Variants in KIF21B observed in about 807,000 individuals in gnomAD.
KIF21B encodes kinesin family member 21B, also known as kinesin-like protein KIF21B.
Under a neutral mutation model 192.9 loss-of-function variants are expected in KIF21B, and 85 were observed. That is an observed-to-expected ratio of 0.44 (90% CI 0.37 to 0.53). KIF21B has a LOEUF of 0.53. Ranked by LOEUF, KIF21B falls within the 20% of genes least tolerant of loss-of-function variation. The pLI is 0.00. For missense variants in KIF21B, 1,716 were observed against 2,194.8 expected, an observed-to-expected ratio of 0.78 and a Z score of 4.36; for synonymous variants, 832 against 884.6, an observed-to-expected ratio of 0.94 and a Z score of 1.05.
chr1:200,995,871 C>T (rs567714697), intron 15 of KIF21B, among the ~76,000 whole-genome samples: 34 of 152,208 alleles, frequency 2.2e-4, no homozygotes, highest in African/African-American at 3.4e-4. Context: ...TGCGCAGACC[C>T]GAAGCGAGTA....
chr1:200,980,866 T>C, intron 29 of KIF21B, 94 bp downstream of exon 29: 4 of 1,479,974 alleles, frequency 2.7e-6, no homozygotes, highest in Non-Finnish European at 3.6e-6. Context: ...CTGGGGGCTC[T>C]ATGTTCTTTT....
intron 15 of KIF21B, among the ~76,000 whole-genome samples, chr1:200,992,898 CA>C (rs1656798159): frequency 6.6e-6 from 1 of 152,210 alleles, no homozygotes; most frequent in East Asian, 1.9e-4. Context: ...CTCCTCATGA[CA>C]ATCATGAGAG....
In KIF21B at chr1:200,998,511, G is replaced by C; in HGVS notation, c.1950C>G (p.Ile650Met). Residue 650 changes from isoleucine (I) to methionine (M), a missense_variant, in exon 14 of 35, where the codon ATC (isoleucine) becomes ATG (methionine). Ile to Met is a conservative substitution (Grantham distance 10, BLOSUM62 1). Around this residue, in one of 3 missense-constraint regions of KIF21B, gnomAD observed 1,087 missense variants for 1,316.6 expected, o/e 0.83. Coordinates refer to ENST00000461742, the MANE Select transcript of KIF21B (RefSeq NM_001252102.2). The surrounding 1 kb of genome is among the most constrained non-coding windows in gnomAD (Gnocchi z 4.3). ...GCCGCTGGCTGTTCTCCAGCTCGTCGATCAGCTTCTGCTTGATTTCGATCT... is the reference window on the plus strand; with the variant it reads ...GCCGCTGGCTGTTCTCCAGCTCGTCCATCAGCTTCTGCTTGATTTCGATCT... ...TCEIEIKQKL[I>M]DELENSQRRL... The C allele has an allele frequency of 6.2e-7, 1 of 1,613,924 alleles. No homozygotes were observed. The highest frequency in any genetic ancestry group is 8.5e-7 in the Non-Finnish European group (1 of 1,180,008).
Position 200,984,983 on chromosome 1 carries a change from G to A in KIF21B, c.3690-11C>T, listed in dbSNP as rs374805993. On this transcript the variant is annotated splice_polypyrimidine_tract_variant and intron_variant, in intron 26 of 34. Transcript: ENST00000461742. ...CCCACATCTGTGGACCTGGTGAGTC[G>A]GGACAGAGGGCAGCCTGTTAGTGAC... 4.1e-5 allele frequency: 65 copies of A among 1,591,050 alleles called. No individual in the cohort carries two copies. Among genetic ancestry groups the A allele is most frequent in the African/African-American group, 2.4e-4 (18 of 73,784 alleles).
At position 200,974,754 on chromosome 1, in the gene KIF21B, C is replaced by A. The variant is rs962324507; in HGVS notation, c.4774G>T (p.Ala1592Ser). The change falls in exon 34 of 35, where the codon GCC (alanine) becomes TCC (serine). Residue 1592 changes from alanine to serine, a missense_variant. Physicochemically the swap from Ala to Ser is moderately conservative, Grantham distance 99. This residue lies in a region of KIF21B where 580 missense variants were observed against 775.5 expected (regional missense o/e 0.75). Transcript: ENST00000461742. ...ATATGCTTGGCATTGGTGCAGATGG[C>A]ATTGATGGGACTGTCGTGGCCCTTG... Reference protein sequence around the residue: ...EIKGHDSPINAICTNAKHIFT... With the variant: ...EIKGHDSPINSICTNAKHIFT... 6.2e-7 allele frequency: 1 copy of A among 1,614,214 alleles called. No individual in the cohort carries two copies. Among genetic ancestry groups the A allele is most frequent in the South Asian group, 1.1e-5 (1 of 91,088 alleles).
At position 201,000,562 on chromosome 1, in the gene KIF21B, TGCG is replaced by T; in HGVS notation, c.1510_1512del (p.Arg504del). ...CTCCTAGCCGAGGCCCGTGAGAGGC[TGCG>T]GCGCAGGGACTCGTTCATGGCTTCA... On this transcript the variant is annotated inframe_deletion, in exon 11 of 35. Transcript: ENST00000461742. The surrounding 1 kb of genome is among the most constrained non-coding windows in gnomAD (Gnocchi z 6.0). 1 of 1,613,350 alleles carries T rather than the reference TGCG, an allele frequency of 6.2e-7. No individual in the cohort carries two copies. Among genetic ancestry groups the T allele is most frequent in the Non-Finnish European group, 8.5e-7 (1 of 1,179,768 alleles).
At chr1:201,005,468 C>A in intron 4 of KIF21B, 26 bp from the exon 5 acceptor site, 1 of 1,597,592 alleles carries the variant, frequency 6.3e-7, no homozygotes, top group Non-Finnish European at 8.5e-7. Flanking sequence ...GAAGTGAGGG[C>A]TTGGGACTAC....
chr1:200,993,797 C>T (rs1167089727), intron 15 of KIF21B, among the ~76,000 whole-genome samples: 6 of 143,216 alleles, frequency 4.2e-5, no homozygotes, highest in Non-Finnish European at 6.0e-5. Flanking sequence ...GAAAGAAAAA[C>T]GAAATGGCAT....
intron 26 of KIF21B, among the ~76,000 whole-genome samples, chr1:200,985,874 C>T (rs1656269326): frequency 7.0e-6 from 1 of 143,094 alleles, no homozygotes; most frequent in Non-Finnish European, 1.5e-5. Context: ...GACAGTGAGT[C>T]TCACACTGTC....
chr1:200,994,447 G>T (rs1011009738), intron 15 of KIF21B, among the ~76,000 whole-genome samples: 1 of 152,150 alleles, frequency 6.6e-6, no homozygotes, highest in African/African-American at 2.4e-5. Flanking sequence ...GGCCCCTCCT[G>T]GGATGACCCA....
In KIF21B at chr1:200,996,229, T is replaced by C. The variant is rs1390113432; in HGVS notation, c.2244A>G (p.Leu748=). The stretch of plus-strand genomic sequence containing the variant: ...TCTTCATCTCAGCCACCTCGGCCTG[T>C]AGCTTCTTCAGCTCCCTCTCGTAGC... ...QSRYERELKK[L]QAEVAEMKKA... is the part of the protein sequence containing the mutation. The change falls in exon 15 of 35, where the codon CTA becomes CTG. Residue 748 remains leucine, a synonymous_variant. Coordinates refer to ENST00000461742, the MANE Select transcript of KIF21B (RefSeq NM_001252102.2). 1 of 1,613,744 alleles carries C rather than the reference T, an allele frequency of 6.2e-7. No individual in the cohort carries two copies. The highest frequency in any genetic ancestry group is 1.7e-5 in the Admixed American group (1 of 60,026).
In KIF21B at chr1:200,982,069, T is replaced by A. The variant is rs1655967556; in HGVS notation, c.3843-973A>T. On this transcript the variant is annotated intron_variant, in intron 28 of 34. Coordinates refer to ENST00000461742, the MANE Select transcript of KIF21B (RefSeq NM_001252102.2). This position sits in a 1 kb window ranked among gnomAD's most constrained non-coding sequence, Gnocchi z 4.7. ...TTGCCTGTGGCGCTTCTGGCACAGC[T>A]CCCCCCAGACTCTGCCAGGCCCACC... Among the ~76,000 whole-genome samples, 1 of 151,870 alleles carries A rather than the reference T, an allele frequency of 6.6e-6. No individual in the cohort carries two copies. The highest frequency in any genetic ancestry group is 2.4e-5 in the African/African-American group (1 of 41,328).
intron 1 of KIF21B, among the ~76,000 whole-genome samples, chr1:201,015,038 G>T (rs149830897): frequency 6.6e-6 from 1 of 152,256 alleles, no homozygotes; most frequent in South Asian, 2.1e-4. Flanking sequence ...ACTATCTAGG[G>T]TGCTTTGCAC....
intron 29 of KIF21B, among the ~76,000 whole-genome samples, chr1:200,980,261 T>C (rs749634913): frequency 5.3e-5 from 8 of 152,228 alleles, no homozygotes; most frequent in Non-Finnish European, 8.8e-5. Context: ...AAGAATTTTG[T>C]ATTTGCTTAT....
chr1:200,989,732 C>T (rs574747885), intron 21 of KIF21B, among the ~76,000 whole-genome samples: 8 of 152,352 alleles, frequency 5.3e-5, no homozygotes, highest in African/African-American at 1.4e-4. Context: ...CACAGCATCT[C>T]GTTAAAGCCA....
rs536564836 is a variant in KIF21B, at chr1:201,013,565, C to A, written c.42-4077G>T. Among the ~76,000 whole-genome samples, 20 of 152,220 alleles carry A rather than the reference C, an allele frequency of 1.3e-4. No individual in the cohort carries two copies. The South Asian group carries it at 4.1e-3, about 32-fold the overall frequency. On this transcript the variant is annotated intron_variant, in intron 1 of 34. Coordinates refer to ENST00000461742, the MANE Select transcript of KIF21B (RefSeq NM_001252102.2). ...CAGAGACAGGGTCTCACTATGTTGC[C>A]CAGGCTTGTCTCAAACTCCTGGGCT... is the stretch of plus-strand genomic sequence containing the variant.
At chr1:200,989,047 C>T in intron 21 of KIF21B, 116 bp from the exon 22 acceptor site, 1 of 1,073,734 alleles carries the variant, frequency 9.3e-7, no homozygotes, top group South Asian at 1.7e-5. Flanking sequence ...CTCCCAACAT[C>T]ACCCTTGTAC....
chr1:200,995,063 G>C (rs1656960819), intron 15 of KIF21B, among the ~76,000 whole-genome samples: 1 of 152,240 alleles, frequency 6.6e-6, no homozygotes. Context: ...CTGCAGCCCA[G>C]GCTTGGGCAC....
rs754089146 is a variant in KIF21B at position 201,023,328 on chromosome 1, G to T, written c.41+15C>A. 23 of 1,522,968 alleles carry T rather than the reference G, an allele frequency of 1.5e-5. No individual in the cohort carries two copies. In the Middle Eastern group the frequency reaches 9.7e-4, roughly 64 times the overall value. 94.3% of individuals were successfully genotyped at this position (1,522,968 alleles called of 1,614,324 possible). A position where few individuals can be genotyped will look rare whatever the true frequency, so the allele number is the denominator to read the frequency against. On this transcript the variant is annotated intron_variant, in intron 1 of 34. Coordinates refer to ENST00000461742, the MANE Select transcript of KIF21B (RefSeq NM_001252102.2). The surrounding 1 kb of genome is among the most constrained non-coding windows in gnomAD (Gnocchi z 5.9). ...GGCTTCTCCGCGCGCCCCCTTCCCC[G>T]CCCCGGGTCCCTACCTGACGGCCAC... is the stretch of plus-strand genomic sequence containing the variant.
Sources: gnomAD v4.1 joint callset for allele counts (sites outside exome capture counted in the v4.1 genomes callset) on GRCh38, gnomAD v4.1.1 for gene constraint, gnomAD v4.1.1 regional missense constraint, Gnocchi (gnomAD v3.1) non-coding constraint, MANE v1.5 for transcripts, NCBI Gene and HGNC (gene_info 2026-07-23, HGNC 2026-07-21) for gene names.